Variants in IL17B observed in about 807,000 individuals in gnomAD.
The protein encoded by IL17B is interleukin-17B.
In IL17B, 14 loss-of-function variants were observed where a neutral mutation model predicts 14.7. The ratio of observed to expected loss-of-function variants is 0.95; its 90% CI spans 0.63 to 1.49. IL17B has a LOEUF of 1.49. Among genes scored for constraint, IL17B ranks in the 40% most tolerant of loss-of-function variants. IL17B has a pLI of 0.00. For missense variants in IL17B, 233 were observed against 252.8 expected (o/e 0.92, Z 0.53); for synonymous variants, 105 against 94.8 (o/e 1.11, Z -0.62).
chr5:149,378,626 C>T (rs886874374), intron 1 of IL17B, among the ~76,000 whole-genome samples: 4 of 152,242 alleles, frequency 2.6e-5, no homozygotes, highest in African/African-American at 9.6e-5. Context: ...CCCTAGGAAA[C>T]AAGTTTCAGC....
At chr5:149,394,054 G>A (rs1415677350) in intron 1 of IL17B, among the ~76,000 whole-genome samples, 1 of 152,122 alleles carries the variant, frequency 6.6e-6, no homozygotes, top group African/African-American at 2.4e-5. Context: ...GTTTAATTGA[G>A]AGACATATCA....
intron 1 of IL17B, among the ~76,000 whole-genome samples, chr5:149,402,863 C>T (rs975756189): frequency 5.9e-5 from 9 of 151,474 alleles, no homozygotes; most frequent in Non-Finnish European, 1.2e-4. Context: ...ATTAGCCAGG[C>T]GTGGTGGCAC....
At chr5:149,402,895 T>C (rs1303953016) in intron 1 of IL17B, among the ~76,000 whole-genome samples, 2 of 147,656 alleles carry the variant, frequency 1.4e-5, no homozygotes, top group African/African-American at 2.5e-5. Flanking sequence ...CCCAGCTACT[T>C]GGGAGGCTGA....
chr5:149,376,747 G>A lies in IL17B; in HGVS notation c.300C>T (p.Pro100=). 1 of 1,608,374 alleles carries A rather than the reference G, an allele frequency of 6.2e-7. No homozygotes were observed. Among genetic ancestry groups the A allele is most frequent in the Non-Finnish European group, 8.5e-7 (1 of 1,176,996 alleles). ...LWMSNKRSLS[P]WGYSINHDPS... ...ACTGCCCAGCCTACCTGTAGCCCCA[G>A]GGAGACAGGCTCCTCTTGTTGGACA... The change falls in exon 2 of 3, where the codon CCC becomes CCT. Residue 100 remains proline, a synonymous_variant. Coordinates refer to ENST00000261796, the MANE Select transcript of IL17B (RefSeq NM_014443.3).
chr5:149,389,591 A>C (rs1473219329), intron 1 of IL17B, among the ~76,000 whole-genome samples: 1 of 152,246 alleles, frequency 6.6e-6, no homozygotes, highest in Non-Finnish European at 1.5e-5. Flanking sequence ...CATGTACTAC[A>C]TAAGGGGACA....
At chr5:149,380,717 C>T (rs751314462), upstream of IL17B, among the ~76,000 whole-genome samples, 3 of 152,172 alleles carry the variant, frequency 2.0e-5, no homozygotes, top group Non-Finnish European at 4.4e-5. Context: ...CTGAGGACGG[C>T]CCTGTCGTGC....
chr5:149,377,343 G>A (rs1326581443), intron 1 of IL17B, among the ~76,000 whole-genome samples: 3 of 152,124 alleles, frequency 2.0e-5, no homozygotes, highest in South Asian at 2.1e-4. Flanking sequence ...CTTTAGCATC[G>A]CTTTCTTAGG....
upstream of IL17B, among the ~76,000 whole-genome samples, chr5:149,382,342 C>A (rs1013907093): frequency 1.3e-5 from 2 of 152,164 alleles, no homozygotes; most frequent in African/African-American, 4.8e-5. Flanking sequence ...GTGAGGGCTT[C>A]TGTCTGCTGA....
upstream of IL17B, chr5:149,379,420 G>A (rs376258386): frequency 3.8e-4 from 243 of 637,042 alleles, 1 homozygote; most frequent in African/African-American, 3.3e-3. Context: ...AGTGGCAGGC[G>A]GTGAGGGGCG....
intron 1 of IL17B, among the ~76,000 whole-genome samples, chr5:149,393,576 TCACTTAA>T (rs1759030339): frequency 1.3e-5 from 2 of 152,232 alleles, no homozygotes; most frequent in African/African-American, 4.8e-5. Context: ...CTCTCTCATA[TCACTTAA>T]CACTGTCTTC....
intron 1 of IL17B, among the ~76,000 whole-genome samples, chr5:149,389,923 T>C (rs531682081): frequency 2.2e-4 from 33 of 151,918 alleles, no homozygotes; most frequent in African/African-American, 7.5e-4. Context: ...GGCTGAGGAG[T>C]ATCAGACCGG....
intron 1 of IL17B, among the ~76,000 whole-genome samples, chr5:149,388,465 C>G (rs1235870224): frequency 1.3e-5 from 2 of 152,222 alleles, no homozygotes; most frequent in Non-Finnish European, 2.9e-5. Context: ...GTGCTGGCTT[C>G]TCAGTGATAC....
intron 1 of IL17B, among the ~76,000 whole-genome samples, chr5:149,387,431 G>C (rs895411542): frequency 3.3e-5 from 5 of 152,150 alleles, no homozygotes; most frequent in Admixed American, 1.3e-4. Flanking sequence ...GATGACAATT[G>C]CGTGATGGTA....
At chr5:149,388,340 C>T (rs353278) in intron 1 of IL17B, among the ~76,000 whole-genome samples, 16,807 of 152,200 alleles carry the variant, frequency 0.11, 1,259 homozygotes, top group Non-Finnish European at 0.16. Flanking sequence ...TATTCTATCC[C>T]ATTATCTCAA....
intron 2 of IL17B, among the ~76,000 whole-genome samples, chr5:149,376,489 C>T (rs1280803662): frequency 2.0e-5 from 3 of 152,236 alleles, no homozygotes; most frequent in African/African-American, 7.2e-5. Context: ...GAGGGCAGTG[C>T]TCTGCATGGA....
chr5:149,398,057 T>C (rs1759126870), intron 1 of IL17B, among the ~76,000 whole-genome samples: 1 of 152,184 alleles, frequency 6.6e-6, no homozygotes, highest in Non-Finnish European at 1.5e-5. Context: ...CATAATGCTA[T>C]ATTAGGTTTC....
In IL17B at chr5:149,379,253, G is replaced by A. The variant is rs1211886237; in HGVS notation, c.-28C>T. 1 of 1,613,686 alleles carries A rather than the reference G, an allele frequency of 6.2e-7. No homozygotes were observed. The highest frequency in any genetic ancestry group is 8.5e-7 in the Non-Finnish European group (1 of 1,179,804). Reference sequence around the variant, plus strand: ...CGCCAAGCTGCAAGGTCAGCCTGCAGCTGCTGCCCGCCTGGAACCCCAGAT... The same window carrying A: ...CGCCAAGCTGCAAGGTCAGCCTGCAACTGCTGCCCGCCTGGAACCCCAGAT... On this transcript the variant is annotated 5_prime_UTR_variant, in exon 1 of 3. Coordinates refer to ENST00000261796, the MANE Select transcript of IL17B (RefSeq NM_014443.3).
chr5:149,401,781 C>A (rs1218167711), intron 1 of IL17B, among the ~76,000 whole-genome samples: 1 of 151,976 alleles, frequency 6.6e-6, no homozygotes, highest in Non-Finnish European at 1.5e-5. Flanking sequence ...GTGATAATTG[C>A]CTAAAAACAA....
rs1293983694 is a variant in IL17B, at chr5:149,374,795, G to A, written c.312-195C>T. ...GAAGATCATGGAAGGCAAGTCGAGA[G>A]CCCCAAGGTTATCCAGCTTCAAGGT... On this transcript the variant is annotated intron_variant, in intron 2 of 2. Transcript: ENST00000261796. This position sits in a 1 kb window ranked among gnomAD's most constrained non-coding sequence, Gnocchi z 5.0. The A allele has an allele frequency of 5.4e-6, 3 of 554,874 alleles. No individual in the cohort carries two copies. The highest frequency in any genetic ancestry group is 6.2e-5 in the Admixed American group (2 of 32,498). 34.4% of individuals were successfully genotyped at this position (554,874 alleles called of 1,614,324 possible). A position where few individuals can be genotyped will look rare whatever the true frequency, so the allele number is the denominator to read the frequency against.
Sources: allele counts gnomAD v4.1 joint callset (sites outside exome capture counted in the v4.1 genomes callset), GRCh38; gene constraint gnomAD v4.1.1; non-coding constraint Gnocchi (gnomAD v3.1); transcripts MANE v1.5; gene names NCBI Gene and HGNC (gene_info 2026-07-23, HGNC 2026-07-21).